SFSWAP: variants seen among roughly 807,000 people sequenced by gnomAD.
SFSWAP encodes the protein splicing factor SWAP.
Under a neutral mutation model 100.7 loss-of-function variants are expected in SFSWAP, and 17 were observed. The observed-to-expected ratio is 0.17, with a 90% confidence interval of 0.12 to 0.25. SFSWAP has a LOEUF of 0.25. SFSWAP is among the 10% of genes least tolerant of loss of function. SFSWAP has a pLI of 1.00. For synonymous variants in SFSWAP, 504 were observed against 510.1 expected, an observed-to-expected ratio of 0.99 and a Z score of 0.16; for missense variants, 1,005 against 1,262.6, an observed-to-expected ratio of 0.80 and a Z score of 3.09.
chr12:131,781,021 T>G (rs1300461235), intron 14 of SFSWAP, among the ~76,000 whole-genome samples: 6 of 152,208 alleles, frequency 3.9e-5, no homozygotes. Context: ...TTTCCCACAT[T>G]GGCATATTCA....
chr12:131,772,841 T>G (rs1039434548), intron 13 of SFSWAP, among the ~76,000 whole-genome samples: 2 of 152,114 alleles, frequency 1.3e-5, no homozygotes, highest in Non-Finnish European at 2.9e-5. Flanking sequence ...CACGAACGAA[T>G]TAAAGGGTGG....
intron 7 of SFSWAP, among the ~76,000 whole-genome samples, chr12:131,741,106 G>C (rs999839340): frequency 6.6e-6 from 1 of 150,978 alleles, no homozygotes; most frequent in African/African-American, 2.4e-5. Flanking sequence ...CGAGTAGCTG[G>C]GATTACAGGC....
At chr12:131,760,831 T>C (rs552145514) in intron 11 of SFSWAP, among the ~76,000 whole-genome samples, 1 of 152,242 alleles carries the variant, frequency 6.6e-6, no homozygotes, top group African/African-American at 2.4e-5. Context: ...CCCAGCACTT[T>C]GGGAGGCCGA....
Position 131,753,251 on chromosome 12 carries a change from A to G in SFSWAP, c.1210A>G (p.Asn404Asp), listed in dbSNP as rs140765111. The part of the protein sequence containing the change: ...STLPAGVTVS[N>D]SPGVTTTAPP... ...CCTTCCTGCTGGCGTGACCGTGTCTAACTCCCCTGGAGTGACGACCACCGC... is the reference window on the plus strand; with the variant it reads ...CCTTCCTGCTGGCGTGACCGTGTCTGACTCCCCTGGAGTGACGACCACCGC... Residue 404 changes from asparagine to aspartate, a missense_variant, in exon 8 of 18, where the codon AAC (asparagine) becomes GAC (aspartate). By Grantham distance (23) the Asn-to-Asp change is conservative. Around this residue, in one of 7 missense-constraint regions of SFSWAP, gnomAD observed 311 missense variants for 317.8 expected, o/e 0.98. Transcript: ENST00000261674. 9.8e-4 allele frequency: 1,579 copies of G among 1,614,042 alleles called. 7 individuals are homozygous for G. The highest frequency in any genetic ancestry group is 1.4e-3 in the South Asian group (128 of 91,080).
chr12:131,778,120 T>C lies in SFSWAP; in HGVS notation c.2198T>C (p.Leu733Ser), dbSNP rs755520476. 6 of 1,613,884 alleles carry C rather than the reference T, an allele frequency of 3.7e-6. No homozygotes were observed. In the Admixed American group the frequency reaches 5.0e-5, roughly 13 times the overall value. ...LLTGGRPLPTLEVKPPDRPSS... is the reference protein window; with the variant it reads ...LLTGGRPLPTSEVKPPDRPSS... ...ACTGGAGGCAGGCCTCTGCCTACTT[T>C]AGAAGTTAAACCACCCGATAGGCCT... Residue 733 changes from leucine to serine, a missense_variant, in exon 14 of 18, where the codon TTA becomes TCA. Physicochemically the swap from Leu to Ser is moderately radical, Grantham distance 145. Coordinates refer to ENST00000261674, the MANE Select transcript of SFSWAP (RefSeq NM_004592.4). The surrounding 1 kb of genome is among the most constrained non-coding windows in gnomAD (Gnocchi z 4.2).
intron 7 of SFSWAP, among the ~76,000 whole-genome samples, chr12:131,737,600 G>C (rs544098007): frequency 3.9e-5 from 6 of 152,240 alleles, no homozygotes; most frequent in African/African-American, 1.4e-4. Context: ...CCCCCGTAGA[G>C]ACTTGCATAC....
chr12:131,771,587 G>C lies in SFSWAP; in HGVS notation c.2142+5279G>C, dbSNP rs537306082. 4.6e-5 allele frequency among the ~76,000 whole-genome samples: 7 copies of C among 151,532 alleles called. No homozygotes were observed. The East Asian group carries it at 1.4e-3, about 29-fold the overall frequency. ...TTACCATCAGCCTTTCGGTGGGAAA[G>C]CAGCATCTGCTTTAACTTACATATT... On this transcript the variant is annotated intron_variant, in intron 13 of 17. Coordinates refer to ENST00000261674, the MANE Select transcript of SFSWAP (RefSeq NM_004592.4).
rs1158040521 is a variant in SFSWAP, at chr12:131,733,085, C to G, written c.1081+4657C>G. Among the ~76,000 whole-genome samples the G allele has an allele frequency of 6.6e-6, 1 of 152,224 alleles. No individual in the cohort carries two copies. The stretch of plus-strand genomic sequence containing the variant: ...CATGCCCCACAATGAAACCAGAGCC[C>G]TGTGGCCCGCGTTTCAGACCACTGC... On this transcript the variant is annotated intron_variant, in intron 7 of 17. Coordinates refer to ENST00000261674, the MANE Select transcript of SFSWAP (RefSeq NM_004592.4). This position sits in a 1 kb window ranked among gnomAD's most constrained non-coding sequence, Gnocchi z 5.1.
At chr12:131,795,402 C>G (rs1022644481) in intron 15 of SFSWAP, among the ~76,000 whole-genome samples, 2 of 152,252 alleles carry the variant, frequency 1.3e-5, no homozygotes, top group African/African-American at 2.4e-5. Context: ...TCAGTCCCCC[C>G]CTGCATATCG....
chr12:131,754,574 G>T, intron 9 of SFSWAP, 75 bp downstream of exon 9: 1 of 995,782 alleles, frequency 1.0e-6, no homozygotes, highest in Non-Finnish European at 1.3e-6. Flanking sequence ...AAAAAATGTA[G>T]GTACAGAATT....
chr12:131,742,105 T>TC (rs1432458132), intron 7 of SFSWAP, among the ~76,000 whole-genome samples: 2 of 152,080 alleles, frequency 1.3e-5, no homozygotes, highest in Admixed American at 1.3e-4. Flanking sequence ...TGGATTTCCT[T>TC]CCCCCAGTGA....
In SFSWAP at chr12:131,799,480, G is replaced by T; in HGVS notation, c.2848G>T (p.Ala950Ser). 6.2e-7 allele frequency: 1 copy of T among 1,613,994 alleles called. No individual in the cohort carries two copies. The highest frequency in any genetic ancestry group is 1.3e-5 in the African/African-American group (1 of 75,068). ...LAASKNLQTSAS is the reference protein window; with the variant it reads ...LAASKNLQTSSS ...AGCTTCCAAAAACCTGCAAACCAGCGCTTCCTGAGACGGGGCCAGCGGAGG... is the reference window on the plus strand; with the variant it reads ...AGCTTCCAAAAACCTGCAAACCAGCTCTTCCTGAGACGGGGCCAGCGGAGG... The change falls in exon 18 of 18, where the codon GCT (alanine) becomes TCT (serine). Residue 950 changes from alanine to serine, a missense_variant. Physicochemically the swap from Ala to Ser is moderately conservative, Grantham distance 99. Coordinates refer to ENST00000261674, the MANE Select transcript of SFSWAP (RefSeq NM_004592.4).
At chr12:131,775,323 C>G (rs1000871329) in intron 13 of SFSWAP, among the ~76,000 whole-genome samples, 1 of 152,200 alleles carries the variant, frequency 6.6e-6, no homozygotes, top group African/African-American at 2.4e-5. Context: ...TGGGGAAATC[C>G]CGGGCCTTGT....
At chr12:131,789,818 C>T (rs182808755) in intron 15 of SFSWAP, among the ~76,000 whole-genome samples, 6 of 152,300 alleles carry the variant, frequency 3.9e-5, no homozygotes, top group African/African-American at 1.4e-4. Flanking sequence ...GGCGACATTG[C>T]GTAGCTTCCC....
In SFSWAP at chr12:131,711,099, C is replaced by A; in HGVS notation, c.-131C>A. 1.4e-6 allele frequency: 1 copy of A among 725,874 alleles called. No homozygotes were observed. Among genetic ancestry groups the A allele is most frequent in the Non-Finnish European group, 2.2e-6 (1 of 455,988 alleles). The allele number at this position is 725,874 out of a possible 1,614,324, so 45.0% of individuals were successfully genotyped here. A position where few individuals can be genotyped will look rare whatever the true frequency, so the allele number is the denominator to read the frequency against. The stretch of plus-strand genomic sequence containing the variant: ...AAGCTGCCCCTCCACCATTTTGTGG[C>A]CCGCTATGGCGGCGGTGTTGAGGTT... On this transcript the variant is annotated 5_prime_UTR_variant, in exon 1 of 18. Transcript: ENST00000261674. This position sits in a 1 kb window ranked among gnomAD's most constrained non-coding sequence, Gnocchi z 4.9.
rs979146703 is a variant in SFSWAP at position 131,778,959 on chromosome 12, T to G, written c.2408+629T>G. ...ACAGGGTGGTGTGCTGGGGGTCTTT[T>G]GTTTTATTTGTATAAGTGAAGTTTC... On this transcript the variant is annotated intron_variant, in intron 14 of 17. Transcript: ENST00000261674. This position sits in a 1 kb window ranked among gnomAD's most constrained non-coding sequence, Gnocchi z 4.2. Among the ~76,000 whole-genome samples, 1 of 151,780 alleles carries G rather than the reference T, an allele frequency of 6.6e-6. No homozygotes were observed. The highest frequency in any genetic ancestry group is 1.5e-5 in the Non-Finnish European group (1 of 67,908).
chr12:131,783,073 C>T (rs1428014829), intron 14 of SFSWAP, among the ~76,000 whole-genome samples: 5 of 150,774 alleles, frequency 3.3e-5, no homozygotes, highest in Non-Finnish European at 5.9e-5. Flanking sequence ...CCCAGCTACT[C>T]GGGAGGCTGA....
intron 6 of SFSWAP, 76 bp from the exon 7 acceptor site, chr12:131,728,217 G>A (rs1879170902): frequency 6.5e-7 from 1 of 1,548,330 alleles, no homozygotes; most frequent in Non-Finnish European, 8.9e-7. Flanking sequence ...AGTCCTAAAG[G>A]TGAGCCTTTT....
intron 3 of SFSWAP, 103 bp downstream of exon 3, chr12:131,715,056 A>T: frequency 1.7e-6 from 2 of 1,184,302 alleles, no homozygotes; most frequent in Non-Finnish European, 2.5e-6. Context: ...GGCACTCATG[A>T]TAGCACCACT....
Sources: allele counts gnomAD v4.1 joint callset (sites outside exome capture counted in the v4.1 genomes callset), GRCh38; gene constraint gnomAD v4.1.1; regional missense constraint gnomAD v4.1.1; non-coding constraint Gnocchi (gnomAD v3.1); transcripts MANE v1.5; gene names NCBI Gene and HGNC (gene_info 2026-07-23, HGNC 2026-07-21).